Variants in OPCML observed in about 807,000 individuals in gnomAD.
OPCML encodes the protein opioid-binding protein/cell adhesion molecule.
In OPCML, 13 loss-of-function variants were observed where a neutral mutation model predicts 37.8. The ratio of observed to expected loss-of-function variants is 0.34; its 90% confidence interval spans 0.22 to 0.55. The LOEUF (loss-of-function observed/expected upper bound fraction) is 0.55, where lower values mean the gene tolerates loss of function less well. OPCML is among the 20% of genes least tolerant of loss of function. The pLI is 0.91. For synonymous variants in OPCML, 176 were observed against 168.8 expected, an observed-to-expected ratio of 1.04 and a Z score of -0.33; for missense variants, 341 against 435.6, an observed-to-expected ratio of 0.78 and a Z score of 1.93.
chr11:132,718,414 G>T (rs1259127627), intron 2 of OPCML, among the ~76,000 whole-genome samples: 1 of 152,070 alleles, frequency 6.6e-6, no homozygotes, highest in Non-Finnish European at 1.5e-5. Context: ...AACACTGTAG[G>T]GGGTGCTTTT....
At chr11:132,828,450 G>A (rs529716094) in intron 2 of OPCML, among the ~76,000 whole-genome samples, 25 of 152,218 alleles carry the variant, frequency 1.6e-4, no homozygotes, top group African/African-American at 5.3e-4. Flanking sequence ...GAACCATACC[G>A]ATGCAGAATG....
intron 1 of OPCML, among the ~76,000 whole-genome samples, chr11:133,272,216 G>A (rs1428821580): frequency 6.9e-6 from 1 of 145,900 alleles, no homozygotes; most frequent in Non-Finnish European, 1.5e-5. Flanking sequence ...GAAAGTTGAA[G>A]TGGTCTTTAT....
intron 2 of OPCML, among the ~76,000 whole-genome samples, chr11:132,930,741 T>C (rs954396739): frequency 3.3e-5 from 5 of 152,240 alleles, no homozygotes; most frequent in Admixed American, 3.3e-4. Flanking sequence ...GTTGTGTTTA[T>C]GAATTGGTAG....
intron 1 of OPCML, among the ~76,000 whole-genome samples, chr11:132,973,830 T>C (rs1441802468): frequency 6.6e-6 from 1 of 152,202 alleles, no homozygotes; most frequent in Non-Finnish European, 1.5e-5. Flanking sequence ...CAGATGATCA[T>C]CTTCTACTTA....
At chr11:132,864,242 T>A (rs541906131) in intron 2 of OPCML, among the ~76,000 whole-genome samples, 1 of 152,242 alleles carries the variant, frequency 6.6e-6, no homozygotes, top group South Asian at 2.1e-4. Flanking sequence ...CCAGCCTGAT[T>A]TTTTATTTTG....
At chr11:133,133,246 G>A (rs1306144762) in intron 1 of OPCML, among the ~76,000 whole-genome samples, 11 of 152,220 alleles carry the variant, frequency 7.2e-5, no homozygotes, top group African/African-American at 1.4e-4. Flanking sequence ...GTGGCAGGGC[G>A]GCTGGAGTCT....
intron 3 of OPCML, among the ~76,000 whole-genome samples, chr11:132,626,865 T>C (rs1209388858): frequency 7.0e-6 from 1 of 143,152 alleles, no homozygotes; most frequent in Non-Finnish European, 1.5e-5. Context: ...TGTCTATATA[T>C]ATAGACACAC....
rs572077845 is a variant in OPCML at position 133,192,070 on chromosome 11, A to G, written c.62-249060T>C. 1.2e-4 allele frequency among the ~76,000 whole-genome samples: 18 copies of G among 152,352 alleles called. No individual in the cohort carries two copies. In the South Asian group the frequency reaches 3.7e-3, roughly 32 times the overall value. On this transcript the variant is annotated intron_variant, in intron 1 of 7. Coordinates refer to ENST00000524381, the MANE Select transcript of OPCML (RefSeq NM_001012393.5). ...AAAGAACAATGAGACTTCATTGTGC[A>G]GGGTAAATGCTCAATAAATGTTGGT...
rs192125056 is a variant in OPCML, at chr11:132,672,847, C to T, written c.147-15528G>A. On this transcript the variant is annotated intron_variant, in intron 2 of 7. Transcript: ENST00000524381. ...TTGATTTCATTGTACTGTCATTTGT[C>T]CATGCTTAGGGGCCAACATATTGAG... Among the ~76,000 whole-genome samples, 534 of 152,220 alleles carry T rather than the reference C, an allele frequency of 3.5e-3. 4 individuals carry two copies. Among genetic ancestry groups the T allele is most frequent in the South Asian group, 0.021 (101 of 4,818 alleles).
chr11:133,160,580 C>A (rs1950128180), intron 1 of OPCML, among the ~76,000 whole-genome samples: 1 of 152,264 alleles, frequency 6.6e-6, no homozygotes, highest in Non-Finnish European at 1.5e-5. Flanking sequence ...GCTACATTGG[C>A]CTACCAACTT....
chr11:133,041,529 G>C (rs188291367), intron 1 of OPCML, among the ~76,000 whole-genome samples: 2 of 152,298 alleles, frequency 1.3e-5, no homozygotes, highest in Admixed American at 1.3e-4. Flanking sequence ...TCCAGGAAAG[G>C]AGAAAGGCAT....
chr11:132,600,016 A>C (rs764080196), intron 3 of OPCML, among the ~76,000 whole-genome samples: 6 of 152,222 alleles, frequency 3.9e-5, no homozygotes, highest in Non-Finnish European at 7.3e-5. Flanking sequence ...ATAAAAGAAG[A>C]TTCGCTCTAG....
At position 133,096,152 on chromosome 11, in the gene OPCML, GTGTT is replaced by G. The variant is rs1354699450; in HGVS notation, c.62-153146_62-153143del. ...CAAATGTGTGTGTGTGTGTGTGTGT[GTGTT>G]TATGTGTAAGTGAAATGAATGATAG... is the stretch of plus-strand genomic sequence containing the variant. On this transcript the variant is annotated intron_variant, in intron 1 of 7. Transcript: ENST00000524381. Among the ~76,000 whole-genome samples, 422 of 145,460 alleles carry G rather than the reference GTGTT, an allele frequency of 2.9e-3. 2 individuals are homozygous for G. Among genetic ancestry groups the G allele is most frequent in the African/African-American group, 9.9e-3 (403 of 40,884 alleles).
rs1423402925 is a variant in OPCML, at chr11:133,438,642, A to G, written c.61+93622T>C. On this transcript the variant is annotated intron_variant, in intron 1 of 7. Transcript: ENST00000524381. The stretch of plus-strand genomic sequence containing the variant: ...ATAATTTCTGATAGGAGTGATGAGT[A>G]TGTCTTTGGTTTTAGTGAGGTGACT... 1.3e-5 allele frequency among the ~76,000 whole-genome samples: 2 copies of G among 152,124 alleles called. 1 individual carries two copies. The highest frequency in any genetic ancestry group is 1.3e-4 in the Admixed American group (2 of 15,274).
chr11:132,538,721 T>C (rs2096347502), intron 3 of OPCML, among the ~76,000 whole-genome samples: 1 of 152,228 alleles, frequency 6.6e-6, no homozygotes, highest in Non-Finnish European at 1.5e-5. Flanking sequence ...CTGCATAATG[T>C]CTGCTTAACT....
intron 1 of OPCML, among the ~76,000 whole-genome samples, chr11:133,341,928 A>G (rs1460523284): frequency 3.3e-5 from 5 of 152,028 alleles, no homozygotes; most frequent in African/African-American, 1.2e-4. Flanking sequence ...GGGGAAAAAA[A>G]AAAGCCTTTG....
At chr11:132,483,636 T>C (rs1309215526) in intron 4 of OPCML, among the ~76,000 whole-genome samples, 1 of 152,196 alleles carries the variant, frequency 6.6e-6, no homozygotes, top group Non-Finnish European at 1.5e-5. Flanking sequence ...AGAACAAAGC[T>C]GGAGGCATCA....
chr11:132,699,587 G>GA (rs1943730751), intron 2 of OPCML, among the ~76,000 whole-genome samples: 1 of 151,904 alleles, frequency 6.6e-6, no homozygotes, highest in Admixed American at 6.6e-5. Context: ...CCTTTTTTCT[G>GA]AATCTGTTGA....
rs1298295857 is a variant in OPCML at position 132,420,266 on chromosome 11, T to C, written c.944A>G (p.Asn315Ser). The change falls in exon 8 of 8, where the codon AAC (asparagine) becomes AGC (serine). Residue 315 changes from asparagine to serine, a missense_variant. Coordinates refer to ENST00000524381, the MANE Select transcript of OPCML (RefSeq NM_001012393.5). ...ACAAGCCAGTGCTCTGGAGGCCGAGTTTACACCATCAATGACTGCTCCAGG... is the reference window on the plus strand; with the variant it reads ...ACAAGCCAGTGCTCTGGAGGCCGAGCTTACACCATCAATGACTGCTCCAGG... ...YGPGAVIDGV[N>S]SASRALACLW... 1.2e-6 allele frequency: 2 copies of C among 1,613,482 alleles called. No homozygotes were observed. Among genetic ancestry groups the C allele is most frequent in the East Asian group, 4.5e-5 (2 of 44,824 alleles).
Sources: allele counts gnomAD v4.1 joint callset (sites outside exome capture counted in the v4.1 genomes callset), GRCh38; gene constraint gnomAD v4.1.1; transcripts MANE v1.5; gene names NCBI Gene and HGNC (gene_info 2026-07-23, HGNC 2026-07-21).